Variants in AFF2 observed in about 807,000 individuals in gnomAD.
AFF2 encodes ALF transcription elongation factor 2.
In AFF2, 14 loss-of-function variants were observed where a neutral mutation model predicts 76.9. The ratio of observed to expected loss-of-function variants is 0.18; its 90% CI spans 0.12 to 0.28. The LOEUF is 0.28. AFF2 is among the 10% of genes least tolerant of loss of function. AFF2 has a pLI of 1.00. For missense variants in AFF2, 868 were observed against 1,001.1 expected (o/e 0.87, Z 1.79); for synonymous variants, 398 against 366.7 (o/e 1.09, Z -0.98).
At chrX:148,656,525 A>C (rs1442879732) in intron 2 of AFF2, among the ~76,000 whole-genome samples, 1 of 70,051 alleles carries the variant, frequency 1.4e-5, no homozygotes, top group Admixed American at 2.1e-4. Context: ...TTTGAGACGG[A>C]GTCTCGCTCT....
chrX:148,870,950 G>A (rs886640110), intron 7 of AFF2, among the ~76,000 whole-genome samples: 5 of 111,228 alleles, frequency 4.5e-5, no homozygotes, highest in South Asian at 7.8e-4. Context: ...GGTGGCAGTG[G>A]GGGAGACAGC....
intron 1 of AFF2, among the ~76,000 whole-genome samples, chrX:148,570,494 G>C (rs1391482612): frequency 8.9e-6 from 1 of 111,811 alleles, no homozygotes; most frequent in Admixed American, 9.5e-5. Flanking sequence ...TTCAAAGATA[G>C]TGCTGCTTAC....
At chrX:148,989,511 G>A (rs1452594882) in intron 20 of AFF2, among the ~76,000 whole-genome samples, 1 of 112,110 alleles carries the variant, frequency 8.9e-6, no homozygotes, top group Non-Finnish European at 1.9e-5. Flanking sequence ...TGCTGTCATT[G>A]GGGTTTTCAG....
intron 3 of AFF2, among the ~76,000 whole-genome samples, chrX:148,761,496 C>T (rs2069442645): frequency 9.6e-6 from 1 of 104,100 alleles, no homozygotes; most frequent in African/African-American, 3.6e-5. Context: ...AAAAACTTGG[C>T]CCATTATTTT....
intron 4 of AFF2, among the ~76,000 whole-genome samples, chrX:148,812,128 A>G (rs1489263478): frequency 3.6e-5 from 4 of 111,272 alleles, no homozygotes; most frequent in African/African-American, 1.3e-4. Context: ...ATTTTTATAG[A>G]CCACCTTGCA....
intron 1 of AFF2, among the ~76,000 whole-genome samples, chrX:148,562,720 CCTTCCTCTCT>C (rs2053127774): frequency 9.0e-6 from 1 of 111,512 alleles, no homozygotes; most frequent in African/African-American, 3.3e-5. Context: ...TAGATGTCTC[CCTTCCTCTCT>C]CTTCCTCTCT....
At chrX:148,614,452 A>G (rs1199402122) in intron 1 of AFF2, among the ~76,000 whole-genome samples, 7 of 111,362 alleles carry the variant, frequency 6.3e-5, no homozygotes, top group Admixed American at 5.7e-4. Flanking sequence ...GGCAAGGTGA[A>G]CATAGATGAG....
chrX:148,894,513 G>GA (rs1288810426), intron 8 of AFF2, among the ~76,000 whole-genome samples: 5 of 111,602 alleles, frequency 4.5e-5, no homozygotes, highest in Non-Finnish European at 9.4e-5. Flanking sequence ...TGGATGGGCG[G>GA]AAAAAAGAAA....
At chrX:148,939,270 C>G (rs2071807000) in intron 9 of AFF2, among the ~76,000 whole-genome samples, 1 of 111,711 alleles carries the variant, frequency 9.0e-6, no homozygotes. Flanking sequence ...ATTGTTGTAC[C>G]AAGCCACTGG....
chrX:148,971,367 C>A (rs1317073827), intron 15 of AFF2, among the ~76,000 whole-genome samples: 3 of 88,852 alleles, frequency 3.4e-5, no homozygotes, highest in Admixed American at 2.6e-4. Context: ...ACTTTTTTTT[C>A]ATGAGACTAG....
In AFF2 at chrX:148,501,163, C is replaced by T; in HGVS notation, c.47+19C>T. The T allele has an allele frequency of 8.3e-7, 1 of 1,209,963 alleles. No individual in the cohort carries two copies. Among genetic ancestry groups the T allele is most frequent in the African/African-American group, 1.7e-5 (1 of 57,784 alleles). ...AGCAGTGGTAGGTGTTGATTTTTGC[C>T]TTCTCCTTTGATGAGCGAGTCTCCT... On this transcript the variant is annotated intron_variant, in intron 1 of 20. Coordinates refer to ENST00000370460, the MANE Select transcript of AFF2 (RefSeq NM_002025.4).
intron 1 of AFF2, among the ~76,000 whole-genome samples, chrX:148,551,063 C>T (rs1317335626): frequency 1.8e-5 from 2 of 109,533 alleles, no homozygotes; most frequent in Non-Finnish European, 3.8e-5. Flanking sequence ...GGGGAAAAAT[C>T]AGCCCTGTTT....
At chrX:148,757,100 T>C (rs1402844376) in intron 3 of AFF2, among the ~76,000 whole-genome samples, 2 of 112,783 alleles carry the variant, frequency 1.8e-5, no homozygotes, top group East Asian at 2.8e-4. Flanking sequence ...AACATAGTAC[T>C]GGCCGCCATG....
chrX:148,705,653 G>A (rs1176378480), intron 3 of AFF2, among the ~76,000 whole-genome samples: 3 of 112,048 alleles, frequency 2.7e-5, no homozygotes, highest in Admixed American at 1.9e-4. Context: ...GAAGGGAAGA[G>A]TAATATGGCT....
chrX:148,514,660 C>T (rs1557233575), intron 1 of AFF2, among the ~76,000 whole-genome samples: 6 of 112,274 alleles, frequency 5.3e-5, no homozygotes, highest in Non-Finnish European at 1.9e-5. Context: ...CCATAGAAGA[C>T]AAGCCTGATG....
At chrX:148,635,906 T>C (rs2054025834) in intron 1 of AFF2, among the ~76,000 whole-genome samples, 1 of 110,482 alleles carries the variant, frequency 9.1e-6, no homozygotes, top group African/African-American at 3.3e-5. Flanking sequence ...TGGCCCAGCA[T>C]TAGTAGAGTT....
At chrX:148,941,939 T>G (rs1392120275) in intron 9 of AFF2, among the ~76,000 whole-genome samples, 1 of 110,619 alleles carries the variant, frequency 9.0e-6, no homozygotes, top group Non-Finnish European at 1.9e-5. Context: ...CTGAAGTATT[T>G]TCTTATAACA....
intron 13 of AFF2, among the ~76,000 whole-genome samples, chrX:148,966,418 C>T (rs1277756571): frequency 1.2e-4 from 13 of 110,680 alleles, no homozygotes; most frequent in Admixed American, 5.8e-4. Context: ...CTCTCCCTCT[C>T]TTTGTCCATG....
At chrX:148,587,287 G>A (rs541287838) in intron 1 of AFF2, among the ~76,000 whole-genome samples, 1 of 111,980 alleles carries the variant, frequency 8.9e-6, no homozygotes, top group South Asian at 3.7e-4. Flanking sequence ...TTCTAACAGT[G>A]TTTCCAAAGC....
Sources: gnomAD v4.1 joint callset for allele counts (sites outside exome capture counted in the v4.1 genomes callset) on GRCh38, gnomAD v4.1.1 for gene constraint, MANE v1.5 for transcripts, NCBI Gene and HGNC (gene_info 2026-07-23, HGNC 2026-07-21) for gene names.